Variants in SIRPB1 observed in about 807,000 individuals in gnomAD.
The protein encoded by SIRPB1 is signal-regulatory protein beta-1.
Under a neutral mutation model 34.1 loss-of-function variants are expected in SIRPB1, and 28 were observed. The observed-to-expected ratio is 0.82, with a 90% confidence interval of 0.61 to 1.12. The LOEUF is 1.12. Ranked by LOEUF, SIRPB1 falls within the 50% of genes most tolerant of loss-of-function variation. The pLI is 0.00. For missense variants in SIRPB1, 499 were observed against 507.0 expected (o/e 0.98, Z 0.15); for synonymous variants, 211 against 203.8 (o/e 1.04, Z -0.30).
rs1430861333 is a variant in SIRPB1 at position 1,605,187 on chromosome 20, G to T, written c.76+14682C>A. 25 of 431,434 alleles carry T rather than the reference G, an allele frequency of 5.8e-5. 10 individuals carry two copies. The highest frequency in any genetic ancestry group is 6.0e-5 in the Non-Finnish European group (19 of 314,366). The allele number at this position is 431,434 out of a possible 1,614,324, so 26.7% of individuals were successfully genotyped here. On this transcript the variant is annotated intron_variant, in intron 1 of 5. Coordinates refer to ENST00000381605, the MANE Select transcript of SIRPB1 (RefSeq NM_006065.5). ...CTTCCAATAATGTGGAAAGATTAAT[G>T]AGGGTGGTGTCCTTATTGTCATTTT...
intron 2 of SIRPB1, among the ~76,000 whole-genome samples, chr20:1,574,834 C>T (rs2122208677): frequency 4.2e-5 from 3 of 71,788 alleles, no homozygotes; most frequent in Non-Finnish European, 8.1e-5. Context: ...TCCCAGGTCA[C>T]AGAGCCAGGA....
intron 2 of SIRPB1, among the ~76,000 whole-genome samples, chr20:1,573,700 A>G (rs1028344835): frequency 6.8e-6 from 1 of 147,658 alleles, no homozygotes; most frequent in African/African-American, 2.5e-5. Flanking sequence ...CAGCACTTCA[A>G]TCCTCCTTCT....
chr20:1,594,113 G>A lies in SIRPB1; in HGVS notation c.77-15419C>T, dbSNP rs2091450860. Among the ~76,000 whole-genome samples the A allele has an allele frequency of 4.1e-5, 2 of 48,740 alleles. 1 individual carries two copies. Among genetic ancestry groups the A allele is most frequent in the Non-Finnish European group, 7.9e-5 (2 of 25,338 alleles). The allele number at this position is 48,740 out of a possible 152,430, so 32.0% of individuals were successfully genotyped here. ...CAGCTACTCGGGGGCTGAGGCAGGA[G>A]AGTCACTTGAACCCGGGAGGTGGAG... On this transcript the variant is annotated intron_variant, in intron 1 of 5. Transcript: ENST00000381605.
At chr20:1,567,113 A>G (rs2091149777) in intron 4 of SIRPB1, among the ~76,000 whole-genome samples, 1 of 152,158 alleles carries the variant, frequency 6.6e-6, no homozygotes, top group African/African-American at 2.4e-5. Context: ...TTAAAATAAA[A>G]TGGTGCTGGT....
At chr20:1,616,967 T>C (rs921080629) in intron 1 of SIRPB1, among the ~76,000 whole-genome samples, 1 of 152,174 alleles carries the variant, frequency 6.6e-6, no homozygotes, top group Non-Finnish European at 1.5e-5. Flanking sequence ...ATTCATCTGG[T>C]AAATGCAAAT....
At chr20:1,615,301 C>T (rs2091613792) in intron 1 of SIRPB1, among the ~76,000 whole-genome samples, 1 of 152,154 alleles carries the variant, frequency 6.6e-6, no homozygotes, top group Admixed American at 6.5e-5. Flanking sequence ...AAATATAATG[C>T]CCCTCTCAGC....
At chr20:1,616,721 T>C (rs1240316871) in intron 1 of SIRPB1, among the ~76,000 whole-genome samples, 2 of 152,028 alleles carry the variant, frequency 1.3e-5, no homozygotes, top group African/African-American at 4.8e-5. Flanking sequence ...ACTAAAAAGC[T>C]TCTACACAGC....
rs1458434026 is a variant in SIRPB1 at position 1,600,276 on chromosome 20, C to A, written c.76+19593G>T. 4.0e-5 allele frequency among the ~76,000 whole-genome samples: 2 copies of A among 49,970 alleles called. 1 individual carries two copies. The highest frequency in any genetic ancestry group is 2.6e-4 in the Admixed American group (2 of 7,582). The allele number at this position is 49,970 out of a possible 152,430, so 32.8% of individuals were successfully genotyped here. ...ATCTGGGGAAGCACACATTTGGATT[C>A]TTTGCATTTTTACAATGAGCATTTT... On this transcript the variant is annotated intron_variant, in intron 1 of 5. Transcript: ENST00000381605.
intron 2 of SIRPB1, 83 bp downstream of exon 2, chr20:1,578,255 G>A: frequency 7.0e-7 from 1 of 1,425,444 alleles, no homozygotes; most frequent in Non-Finnish European, 9.8e-7. Context: ...CACCACACCT[G>A]GCTGTTGCTC....
chr20:1,571,212 C>T, intron 3 of SIRPB1, 75 bp from the exon 4 acceptor site: 6 of 1,427,474 alleles, frequency 4.2e-6, no homozygotes, highest in Non-Finnish European at 5.8e-6. Flanking sequence ...AACGTAGCTC[C>T]CACCAACACA....
rs113355567 is a variant in SIRPB1, at chr20:1,581,810, T to C, written c.77-3116A>G. ...GGCTCCACAATTTGAGAAGGCTTTT[T>C]ACCCTGATGACTTTCTTGTGCTATG... On this transcript the variant is annotated intron_variant, in intron 1 of 5. Transcript: ENST00000381605. Among the ~76,000 whole-genome samples, 6 of 47,724 alleles carry C rather than the reference T, an allele frequency of 1.3e-4. 3 individuals are homozygous for C. Among genetic ancestry groups the C allele is most frequent in the Admixed American group, 2.9e-4 (2 of 7,016 alleles). The allele number at this position is 47,724 out of a possible 152,430, so 31.3% of individuals were successfully genotyped here. A position where few individuals can be genotyped will look rare whatever the true frequency, so the allele number is the denominator to read the frequency against.
intron 1 of SIRPB1, among the ~76,000 whole-genome samples, chr20:1,616,224 G>T (rs117284274): frequency 0.021 from 3,148 of 152,212 alleles, 49 homozygotes; most frequent in Non-Finnish European, 0.035. Flanking sequence ...CAATCCTCAA[G>T]TTCACATTAG....
At position 1,594,005 on chromosome 20, in the gene SIRPB1, G is replaced by A. The variant is rs575368533; in HGVS notation, c.77-15311C>T. Among the ~76,000 whole-genome samples the A allele has an allele frequency of 2.9e-3, 139 of 48,120 alleles. 61 individuals are homozygous for A. Among genetic ancestry groups the A allele is most frequent in the Admixed American group, 5.0e-3 (36 of 7,172 alleles). 31.6% of individuals were successfully genotyped at this position (48,120 alleles called of 152,430 possible). On this transcript the variant is annotated intron_variant, in intron 1 of 5. Coordinates refer to ENST00000381605, the MANE Select transcript of SIRPB1 (RefSeq NM_006065.5). Reference sequence around the variant, plus strand: ...GGATCACCTGAGGTCAGGAGTTCAAGATCAGCCTGACCAACATGGAGAAAC... The same window carrying A: ...GGATCACCTGAGGTCAGGAGTTCAAAATCAGCCTGACCAACATGGAGAAAC...
intron 1 of SIRPB1, among the ~76,000 whole-genome samples, chr20:1,615,919 T>C (rs1253382990): frequency 6.6e-6 from 1 of 152,218 alleles, no homozygotes; most frequent in Non-Finnish European, 1.5e-5. Flanking sequence ...TTGATTACTG[T>C]CATTATTATG....
In SIRPB1 at chr20:1,577,770, T is replaced by TA. The variant is rs535837370; in HGVS notation, c.433+567dup. Among the ~76,000 whole-genome samples, 281 of 137,608 alleles carry TA rather than the reference T, an allele frequency of 2.0e-3. 17 individuals carry two copies. The highest frequency in any genetic ancestry group is 7.3e-3 in the Admixed American group (102 of 13,910). The allele number at this position is 137,608 out of a possible 152,430, so 90.3% of individuals were successfully genotyped here. On this transcript the variant is annotated intron_variant, in intron 2 of 5. Coordinates refer to ENST00000381605, the MANE Select transcript of SIRPB1 (RefSeq NM_006065.5). ...CGTGGGGTGTTTCTGAAGATTAAAT[T>TA]AAAAAAAAAAACAACCACGATTTAC...
At chr20:1,618,122 G>T (rs544870440) in intron 1 of SIRPB1, among the ~76,000 whole-genome samples, 6 of 152,054 alleles carry the variant, frequency 3.9e-5, no homozygotes, top group Non-Finnish European at 8.8e-5. Context: ...TACAACACAC[G>T]TTAAAATCTC....
intron 1 of SIRPB1, among the ~76,000 whole-genome samples, chr20:1,583,860 C>T (rs2091410911): frequency 2.4e-5 from 1 of 41,382 alleles, no homozygotes; most frequent in Non-Finnish European, 4.4e-5. Flanking sequence ...ACTACTACTA[C>T]TACTACTACT....
rs2091597773 is a variant in SIRPB1 at position 1,614,202 on chromosome 20, T to A, written c.76+5667A>T. ...ACGATATTCTCAGATAAACAAAAGC[T>A]AACAGAGTTCATGACCATTAAACCT... On this transcript the variant is annotated intron_variant, in intron 1 of 5. Coordinates refer to ENST00000381605, the MANE Select transcript of SIRPB1 (RefSeq NM_006065.5). Among the ~76,000 whole-genome samples the A allele has an allele frequency of 2.6e-5, 4 of 152,164 alleles. No homozygotes were observed. In the South Asian group the frequency reaches 8.3e-4, roughly 31 times the overall value.
chr20:1,572,140 C>A, intron 2 of SIRPB1, 103 bp from the exon 3 acceptor site: 4 of 1,555,476 alleles, frequency 2.6e-6, no homozygotes, highest in Admixed American at 3.6e-5. Context: ...AGTTTTTAAT[C>A]TTTCTAATAA....
Sources: gnomAD v4.1 joint callset for allele counts (sites outside exome capture counted in the v4.1 genomes callset) on GRCh38, gnomAD v4.1.1 for gene constraint, MANE v1.5 for transcripts, NCBI Gene and HGNC (gene_info 2026-07-23, HGNC 2026-07-21) for gene names.